NCKAP5: variants seen among roughly 807,000 people sequenced by gnomAD.
NCKAP5 encodes the protein nck-associated protein 5.
A neutral mutation model predicts 167.0 loss-of-function variants in NCKAP5; 92 were observed. The observed-to-expected ratio is 0.55, with a 90% confidence interval of 0.47 to 0.66. The LOEUF (loss-of-function observed/expected upper bound fraction) is 0.66. Ranked by LOEUF, NCKAP5 falls within the 30% of genes least tolerant of loss-of-function variation. The probability of loss-of-function intolerance (pLI) is 0.00; values close to 1 mark genes in which losing one functional copy is unlikely to be tolerated. For synonymous variants in NCKAP5, 891 were observed against 877.4 expected (o/e 1.02, Z -0.27); for missense variants, 2,378 against 2,315.0 (o/e 1.03, Z -0.56).
intron 19 of NCKAP5, among the ~76,000 whole-genome samples, chr2:132,717,094 G>T (rs1689440284): frequency 6.6e-6 from 1 of 152,144 alleles, no homozygotes; most frequent in Non-Finnish European, 1.5e-5. Context: ...TGAGACCCCT[G>T]GTTCTGGCAA....
Position 132,735,506 on chromosome 2 carries a change from C to T in NCKAP5, c.5129-3455G>A, listed in dbSNP as rs567570347. Among the ~76,000 whole-genome samples the T allele has an allele frequency of 2.0e-5, 3 of 152,316 alleles. No homozygotes were observed. The South Asian group carries it at 6.2e-4, about 32-fold the overall frequency. ...AGCAGCTAATGCCAGCACCATGCTTCCTATACAGCCTGCAGAACCATGAAC... is the reference window on the plus strand; with the variant it reads ...AGCAGCTAATGCCAGCACCATGCTTTCTATACAGCCTGCAGAACCATGAAC... On this transcript the variant is annotated intron_variant, in intron 16 of 19. Transcript: ENST00000409261.
chr2:133,544,358 A>G (rs58003178), intron 2 of NCKAP5, among the ~76,000 whole-genome samples: 41,576 of 152,104 alleles, frequency 0.27, 6,212 homozygotes, highest in East Asian at 0.37. Flanking sequence ...CTTAAAGTAA[A>G]AAGTTAAAAT....
At chr2:133,564,450 C>G (rs1688402811) in intron 1 of NCKAP5, among the ~76,000 whole-genome samples, 1 of 152,020 alleles carries the variant, frequency 6.6e-6, no homozygotes. Context: ...ACAAACTACA[C>G]TTAAGATTAC....
intron 5 of NCKAP5, among the ~76,000 whole-genome samples, chr2:133,184,638 G>T (rs1375572494): frequency 6.6e-6 from 1 of 152,046 alleles, no homozygotes; most frequent in Non-Finnish European, 1.5e-5. Flanking sequence ...GTTATTTTTT[G>T]ACTTTTAAAT....
intron 8 of NCKAP5, among the ~76,000 whole-genome samples, chr2:132,913,436 A>T (rs1447545): frequency 0.35 from 53,748 of 151,816 alleles, 12,943 homozygotes; most frequent in African/African-American, 0.65. Context: ...CCTCATATGT[A>T]GACTAGAGAC....
intron 6 of NCKAP5, among the ~76,000 whole-genome samples, chr2:133,076,452 C>T (rs1420880785): frequency 6.6e-6 from 1 of 152,096 alleles, no homozygotes; most frequent in Non-Finnish European, 1.5e-5. Context: ...CTTTTACAAT[C>T]ACACGATCCA....
At chr2:133,300,792 G>A (rs1306932196) in intron 4 of NCKAP5, among the ~76,000 whole-genome samples, 3 of 123,676 alleles carry the variant, frequency 2.4e-5, no homozygotes, top group Admixed American at 7.9e-5. Context: ...AATCAGGCAG[G>A]AGAAGGAAAT....
rs1293622572 is a variant in NCKAP5 at position 132,790,084 on chromosome 2, C to A, written c.1031G>T (p.Cys344Phe). The stretch of plus-strand genomic sequence containing the variant: ...GGAGGAGCCACTGGAGTACTCGCTG[C>A]AGGTGCTTGAAAGAGACAGTTCACT... The part of the protein sequence containing the change: ...SSSELSLSST[C>F]SEYSSGSSYT... Residue 344 changes from cysteine to phenylalanine, a missense_variant, in exon 13 of 20, where the codon TGC (cysteine) becomes TTC (phenylalanine). Around this residue, in one of 3 missense-constraint regions of NCKAP5, gnomAD observed 1,049 missense variants for 1,023.4 expected, o/e 1.02. Coordinates refer to ENST00000409261, the MANE Select transcript of NCKAP5 (RefSeq NM_207363.3). The A allele has an allele frequency of 1.2e-6, 2 of 1,613,366 alleles. No homozygotes were observed. Among genetic ancestry groups the A allele is most frequent in the Admixed American group, 1.7e-5 (1 of 59,946 alleles).
intron 3 of NCKAP5, among the ~76,000 whole-genome samples, chr2:133,379,242 C>T (rs1307074871): frequency 2.0e-5 from 3 of 152,148 alleles, no homozygotes; most frequent in African/African-American, 4.8e-5. Flanking sequence ...ATTAATAAAG[C>T]TCACCTCATC....
intron 5 of NCKAP5, among the ~76,000 whole-genome samples, chr2:133,212,762 T>C (rs1465076320): frequency 1.3e-5 from 2 of 152,190 alleles, no homozygotes; most frequent in Non-Finnish European, 2.9e-5. Context: ...CTAAGTATTT[T>C]AGCATGTTCA....
intron 5 of NCKAP5, among the ~76,000 whole-genome samples, chr2:133,172,723 C>A (rs1012350747): frequency 6.6e-6 from 1 of 152,164 alleles, no homozygotes; most frequent in African/African-American, 2.4e-5. Context: ...TCTGGGCTCA[C>A]TGCAAGCTCC....
At chr2:133,354,560 G>A (rs1317291637) in intron 3 of NCKAP5, among the ~76,000 whole-genome samples, 1 of 152,310 alleles carries the variant, frequency 6.6e-6, no homozygotes, top group East Asian at 1.9e-4. Context: ...CAATAGATAA[G>A]AAGGTTCTAA....
intron 4 of NCKAP5, among the ~76,000 whole-genome samples, chr2:133,229,543 G>A (rs370577728): frequency 2.0e-4 from 30 of 152,238 alleles, no homozygotes; most frequent in African/African-American, 4.6e-4. Flanking sequence ...ATTACATTCC[G>A]AGTACTTTAC....
chr2:133,533,395 A>G (rs1383779288), intron 2 of NCKAP5, among the ~76,000 whole-genome samples: 1 of 152,210 alleles, frequency 6.6e-6, no homozygotes. Flanking sequence ...ACAAACCAAT[A>G]TCTCTGAGAA....
At chr2:133,459,339 C>T (rs935437538) in intron 3 of NCKAP5, among the ~76,000 whole-genome samples, 2 of 152,064 alleles carry the variant, frequency 1.3e-5, no homozygotes, top group African/African-American at 4.8e-5. Context: ...CACATTTCGC[C>T]CAAATTGAGA....
chr2:133,012,988 CT>C (rs1393473823), intron 6 of NCKAP5, among the ~76,000 whole-genome samples: 1 of 152,170 alleles, frequency 6.6e-6, no homozygotes, highest in Non-Finnish European at 1.5e-5. Flanking sequence ...AAATCTGGTA[CT>C]GTCTGCCAGC....
intron 8 of NCKAP5, among the ~76,000 whole-genome samples, chr2:132,898,841 G>T (rs2148901270): frequency 6.6e-6 from 1 of 152,310 alleles, no homozygotes; most frequent in East Asian, 1.9e-4. Context: ...AGACTTGGTT[G>T]TACCATTTAC....
chr2:133,616,299 A>G, the NCKAP5 span, among the ~76,000 whole-genome samples: 5 of 149,986 alleles, frequency 3.3e-5, no homozygotes, highest in Non-Finnish European at 3.0e-5. Context: ...AATAACTAAA[A>G]TCAGAGCAGA....
intron 9 of NCKAP5, among the ~76,000 whole-genome samples, chr2:132,877,957 A>G (rs560220863): frequency 1.3e-5 from 2 of 152,348 alleles, no homozygotes; most frequent in Non-Finnish European, 2.9e-5. Context: ...CAAATCTCCA[A>G]CTGAATTACT....
Sources: allele counts gnomAD v4.1 joint callset (sites outside exome capture counted in the v4.1 genomes callset), GRCh38; gene constraint gnomAD v4.1.1; regional missense constraint gnomAD v4.1.1; transcripts MANE v1.5; gene names NCBI Gene and HGNC (gene_info 2026-07-23, HGNC 2026-07-21).